TSPAN6: variants seen among roughly 807,000 people sequenced by gnomAD.
The protein encoded by TSPAN6 is tetraspanin 6.
In TSPAN6, 13 loss-of-function variants were observed where a neutral mutation model predicts 18.0. That is an observed-to-expected ratio of 0.72 (90% confidence interval 0.47 to 1.15). The LOEUF is 1.15. Ranked by LOEUF, TSPAN6 falls within the 50% of genes most tolerant of loss-of-function variation. TSPAN6 has a pLI of 0.00. For missense variants in TSPAN6, 186 were observed against 183.9 expected (o/e 1.01, Z -0.07); for synonymous variants, 82 against 67.0 (o/e 1.22, Z -1.09).
At position 100,633,993 on chromosome X, in the gene TSPAN6, A is replaced by C; in HGVS notation, c.388T>G (p.Leu130Val). Residue 130 changes from leucine (L) to valine (V), a missense_variant, in exon 4 of 8, where the codon TTG becomes GTG. Physicochemically the swap from Leu to Val is conservative, Grantham distance 32. Coordinates refer to ENST00000373020, the MANE Select transcript of TSPAN6 (RefSeq NM_003270.4). ...TCTCCTGTAGAGTTATACTGCTTCA[A>C]AGCCTTCTCATAATTATTCTTAAAG... is the stretch of plus-strand genomic sequence containing the variant. ...NSFKNNYEKA[L>V]KQYNSTGDYR... 8.3e-7 allele frequency: 1 copy of C among 1,199,896 alleles called. No homozygotes were observed. Among genetic ancestry groups the C allele is most frequent in the South Asian group, 1.8e-5 (1 of 56,535 alleles).
At chrX:100,633,899 G>C in intron 4 of TSPAN6, 32 bp downstream of exon 4, 1 of 1,012,967 alleles carries the variant, frequency 9.9e-7, no homozygotes, top group East Asian at 3.0e-5. Context: ...AACAGGGAAT[G>C]TGTTCCCCTC....
rs2083032497 is a variant in TSPAN6, at chrX:100,627,581, C to T, written c.*2445G>A. On this transcript the variant is annotated 3_prime_UTR_variant, in exon 8 of 8. Coordinates refer to ENST00000373020, the MANE Select transcript of TSPAN6 (RefSeq NM_003270.4). ...AAGACACGTGAACTTTCCTTTGTAC[C>T]AGTTATCATTAGGTGAAATGTTTCC... 1.8e-5 allele frequency: 2 copies of T among 111,084 alleles called. No homozygotes were observed. The highest frequency in any genetic ancestry group is 3.8e-5 in the Non-Finnish European group (2 of 53,039). The allele number at this position is 111,084 out of a possible 1,213,427, so 9.2% of individuals were successfully genotyped here. A position where few individuals can be genotyped will look rare whatever the true frequency, so the allele number is the denominator to read the frequency against.
At chrX:100,636,060 A>C (rs2147632024) in intron 1 of TSPAN6, 3 of 608,827 alleles carry the variant, frequency 4.9e-6, no homozygotes, top group Non-Finnish European at 4.1e-6. Context: ...GGAAAAAAAA[A>C]ACGTGATTTT....
intron 7 of TSPAN6, among the ~76,000 whole-genome samples, chrX:100,630,227 T>C (rs2083049648): frequency 8.9e-6 from 1 of 111,821 alleles, no homozygotes. Context: ...TCTGGTTCCT[T>C]ATTAGACCAG....
rs1053474455 is a variant in TSPAN6, at chrX:100,627,696, C to A, written c.*2330G>T. 4.5e-5 allele frequency: 5 copies of A among 112,331 alleles called. No homozygotes were observed. The highest frequency in any genetic ancestry group is 7.5e-5 in the Non-Finnish European group (4 of 53,288). The allele number at this position is 112,331 out of a possible 1,213,427, so 9.3% of individuals were successfully genotyped here. On this transcript the variant is annotated 3_prime_UTR_variant, in exon 8 of 8. Coordinates refer to ENST00000373020, the MANE Select transcript of TSPAN6 (RefSeq NM_003270.4). The stretch of plus-strand genomic sequence containing the variant: ...TTTCTAACTGGCTATCCAAAATAAA[C>A]CCATCTTAAAAATAAACAAACCAAT...
intron 1 of TSPAN6, 84 bp downstream of exon 1, chrX:100,636,524 C>A: frequency 9.1e-7 from 1 of 1,099,056 alleles, no homozygotes; most frequent in Admixed American, 3.2e-5. Context: ...CGTTCCCGAC[C>A]TGAGCTCCCG....
rs1276768544 is a variant in TSPAN6 at position 100,628,674 on chromosome X, G to A, written c.*1352C>T. ...ACAATCAAAAAAGTCTGATCTCTAG[G>A]AGAACACTAGTCATATGCTACTTTA... On this transcript the variant is annotated 3_prime_UTR_variant, in exon 8 of 8. Transcript: ENST00000373020. 8.9e-6 allele frequency: 1 copy of A among 111,871 alleles called. No homozygotes were observed. Among genetic ancestry groups the A allele is most frequent in the Non-Finnish European group, 1.9e-5 (1 of 53,229 alleles). 9.2% of individuals were successfully genotyped at this position (111,871 alleles called of 1,213,427 possible).
chrX:100,636,225 A>C (rs2083094250), intron 1 of TSPAN6: 1 of 802,540 alleles, frequency 1.2e-6, no homozygotes, highest in African/African-American at 2.2e-5. Flanking sequence ...AGCAGTGAAA[A>C]GAAAGACACT....
chrX:100,633,349 G>C (rs2083073118), intron 5 of TSPAN6, 56 bp downstream of exon 5: 1 of 1,132,694 alleles, frequency 8.8e-7, no homozygotes, highest in African/African-American at 1.8e-5. Context: ...GGTCAATTTT[G>C]CATTCAGTTA....
intron 4 of TSPAN6, 73 bp from the exon 5 acceptor site, chrX:100,633,612 T>C: frequency 9.8e-7 from 1 of 1,017,016 alleles, no homozygotes; most frequent in Admixed American, 3.1e-5. Flanking sequence ...TAATATCCTC[T>C]ATTGCAATTT....
rs1244400655 is a variant in TSPAN6 at position 100,634,014 on chromosome X, TA to T, written c.366del (p.Phe122LeufsTer9). 2.5e-6 allele frequency: 3 copies of T among 1,188,161 alleles called. No individual in the cohort carries two copies. In the African/African-American group the frequency reaches 5.3e-5, roughly 21 times the overall value. On this transcript the variant is annotated frameshift_variant, in exon 4 of 8. Transcript: ENST00000373020. LOFTEE classifies it high-confidence loss of function. Reference sequence around the variant, plus strand: ...TTCAAAGCCTTCTCATAATTATTCTTAAAGCTGTTCTTAATCTATAGCAAAG... The same window carrying T: ...TTCAAAGCCTTCTCATAATTATTCTTAAGCTGTTCTTAATCTATAGCAAAG... ...FVFRHEIKNS[F>X]KNNYEKALKQ...
intron 3 of TSPAN6, 50 bp from the exon 4 acceptor site, chrX:100,634,079 T>C (rs373299787): frequency 3.6e-5 from 32 of 891,429 alleles, no homozygotes; most frequent in African/African-American, 3.6e-4. Flanking sequence ...AGAAAGTTTT[T>C]GGTTTCAGGT....
intron 3 of TSPAN6, among the ~76,000 whole-genome samples, chrX:100,634,823 C>T (rs1179692552): frequency 4.5e-5 from 5 of 111,935 alleles, no homozygotes; most frequent in Non-Finnish European, 9.4e-5. Flanking sequence ...TGATGATTTG[C>T]ATTAAGTATA....
Position 100,633,537 on chromosome X carries a change from C to T in TSPAN6, c.453G>A (p.Leu151=). The change falls in exon 5 of 8, where the codon TTG becomes TTA. Residue 151 remains leucine (L), a splice_region_variant and synonymous_variant. Transcript: ENST00000373020. ...SHAVDKIQNT[L]HCCGVTDYRD... ...TATAATCGGTGACACCACAACAATGCAACTGAAAAACCCAACAAAAGCATT... is the reference window on the plus strand; with the variant it reads ...TATAATCGGTGACACCACAACAATGTAACTGAAAAACCCAACAAAAGCATT... The T allele has an allele frequency of 8.4e-7, 1 of 1,185,651 alleles. No homozygotes were observed. The highest frequency in any genetic ancestry group is 1.1e-6 in the Non-Finnish European group (1 of 885,776).
chrX:100,629,452 G>A lies in TSPAN6; in HGVS notation c.*574C>T, dbSNP rs771069042. 8.9e-6 allele frequency: 1 copy of A among 111,837 alleles called. No homozygotes were observed. The highest frequency in any genetic ancestry group is 1.9e-5 in the Non-Finnish European group (1 of 53,168). 9.2% of individuals were successfully genotyped at this position (111,837 alleles called of 1,213,427 possible). ...AATTACACAATGTGACTCTCTGCCT[G>A]TCAGCAGAACAGAGAGTCATAAAAC... On this transcript the variant is annotated 3_prime_UTR_variant, in exon 8 of 8. Transcript: ENST00000373020.
At chrX:100,631,051 G>A (rs1408498573) in intron 6 of TSPAN6, among the ~76,000 whole-genome samples, 185 bp from the exon 7 acceptor site, 1 of 111,902 alleles carries the variant, frequency 8.9e-6, no homozygotes, top group East Asian at 2.8e-4. Flanking sequence ...TATTGCCACT[G>A]TGACCCAGAA....
chrX:100,632,443 C>T, intron 6 of TSPAN6, 42 bp downstream of exon 6: 6 of 1,014,170 alleles, frequency 5.9e-6, no homozygotes, highest in Non-Finnish European at 8.3e-6. Context: ...CTTACACCTA[C>T]AAGAGGGATG....
Position 100,632,587 on chromosome X carries a change from C to G in TSPAN6, c.586-19G>C. The G allele has an allele frequency of 3.6e-6, 4 of 1,106,718 alleles. No homozygotes were observed. Among genetic ancestry groups the G allele is most frequent in the Non-Finnish European group, 5.0e-6 (4 of 805,666 alleles). The allele number at this position is 1,106,718 out of a possible 1,213,427, so 91.2% of individuals were successfully genotyped here. The stretch of plus-strand genomic sequence containing the variant: ...AACAACCCTAATGGGAGGAAAAAAA[C>G]AAAGATTAAATACAGCACAAGCAGC... On this transcript the variant is annotated intron_variant, in intron 5 of 7. Coordinates refer to ENST00000373020, the MANE Select transcript of TSPAN6 (RefSeq NM_003270.4).
intron 6 of TSPAN6, among the ~76,000 whole-genome samples, 171 bp from the exon 7 acceptor site, chrX:100,631,037 G>A (rs1350376459): frequency 8.9e-6 from 1 of 112,101 alleles, no homozygotes; most frequent in East Asian, 2.8e-4. Context: ...TCTAAGTGAA[G>A]TTTTATTGCC....
Sources: allele counts gnomAD v4.1 joint callset (sites outside exome capture counted in the v4.1 genomes callset), GRCh38; gene constraint gnomAD v4.1.1; transcripts MANE v1.5; gene names NCBI Gene and HGNC (gene_info 2026-07-23, HGNC 2026-07-21).